Variants in GPHN observed in about 807,000 individuals in gnomAD.
The protein encoded by GPHN is gephyrin.
Under a neutral mutation model 95.5 loss-of-function variants are expected in GPHN, and 17 were observed. The observed-to-expected ratio is 0.18, with a 90% CI of 0.12 to 0.27. The LOEUF (loss-of-function observed/expected upper bound fraction) is 0.27, where lower values mean the gene tolerates loss of function less well. Among genes scored for constraint, GPHN ranks in the 10% least tolerant of loss-of-function variants. The pLI is 1.00. For missense variants in GPHN, 660 were observed against 978.1 expected (o/e 0.67, Z 4.34); for synonymous variants, 320 against 322.5 (o/e 0.99, Z 0.08).
At chr14:66,873,793 G>A (rs901085231) in intron 4 of GPHN, among the ~76,000 whole-genome samples, 1 of 152,100 alleles carries the variant, frequency 6.6e-6, no homozygotes, top group Admixed American at 6.6e-5. Context: ...CATCTCCCTG[G>A]GACAGAGCAC....
chr14:67,285,563 G>A, the GPHN span, among the ~76,000 whole-genome samples: 2 of 150,056 alleles, frequency 1.3e-5, no homozygotes, highest in Non-Finnish European at 2.9e-5. Context: ...TAGAGATGGG[G>A]TTTCACCGTG....
chr14:67,689,348 C>T, the GPHN span, among the ~76,000 whole-genome samples: 1 of 152,194 alleles, frequency 6.6e-6, no homozygotes, highest in Non-Finnish European at 1.5e-5. Flanking sequence ...CCTCGATTTC[C>T]CTTCTCTTTA....
At chr14:67,091,512 C>T (rs985502009) in intron 12 of GPHN, among the ~76,000 whole-genome samples, 11 of 151,834 alleles carry the variant, frequency 7.2e-5, no homozygotes, top group South Asian at 2.1e-4. Context: ...AGAATTCTTA[C>T]TTCCAGAGTA....
At chr14:67,069,212 T>G (rs1484530075) in intron 11 of GPHN, among the ~76,000 whole-genome samples, 1 of 152,208 alleles carries the variant, frequency 6.6e-6, no homozygotes, top group Non-Finnish European at 1.5e-5. Flanking sequence ...GATAATATTG[T>G]GTAAATAATT....
chr14:67,193,585 A>ATATAGATATATATC, the GPHN span, among the ~76,000 whole-genome samples: 1 of 145,140 alleles, frequency 6.9e-6, no homozygotes, highest in Non-Finnish European at 1.5e-5. Flanking sequence ...CTATATATAG[A>ATATAGATATATATC]TATAGATATA....
At chr14:66,972,872 C>G (rs2069913691) in intron 9 of GPHN, among the ~76,000 whole-genome samples, 1 of 152,240 alleles carries the variant, frequency 6.6e-6, no homozygotes, top group East Asian at 1.9e-4. Context: ...GTTCATACTA[C>G]TTGGATCTAC....
rs118107158 is a variant in GPHN, at chr14:66,688,691, C to A, written c.143+7506C>A. Among the ~76,000 whole-genome samples, 716 of 152,218 alleles carry A rather than the reference C, an allele frequency of 4.7e-3. 6 individuals carry two copies. The highest frequency in any genetic ancestry group is 7.8e-3 in the Non-Finnish European group (529 of 67,998). ...TTTCCAATTTGGATGCCCTTTAATT[C>A]TTTCTCTTGCCTAATTGTTATGACT... On this transcript the variant is annotated intron_variant, in intron 2 of 22. Coordinates refer to ENST00000478722, the MANE Select transcript of GPHN (RefSeq NM_020806.5).
At chr14:67,236,397 A>G in the GPHN span, among the ~76,000 whole-genome samples, 1 of 152,238 alleles carries the variant, frequency 6.6e-6, no homozygotes, top group South Asian at 2.1e-4. Flanking sequence ...TGAGTCTAGC[A>G]CACTTATGTT....
chr14:67,016,266 T>C (rs988327992), intron 9 of GPHN, among the ~76,000 whole-genome samples: 1 of 151,974 alleles, frequency 6.6e-6, no homozygotes, highest in Non-Finnish European at 1.5e-5. Flanking sequence ...TAAAATAAAA[T>C]ATATAACATT....
the GPHN span, chr14:67,725,313 A>G: frequency 1.9e-6 from 3 of 1,548,738 alleles, no homozygotes; most frequent in Non-Finnish European, 2.7e-6. Flanking sequence ...TGGCTGCTCC[A>G]CCCTAGACCA....
intron 2 of GPHN, among the ~76,000 whole-genome samples, chr14:66,756,784 G>T (rs2058572574): frequency 2.0e-5 from 3 of 152,114 alleles, no homozygotes; most frequent in Admixed American, 1.3e-4. Context: ...TTTTACATGT[G>T]CTGAGAATAG....
At chr14:66,861,208 G>A (rs745734141) in intron 4 of GPHN, among the ~76,000 whole-genome samples, 21 of 151,880 alleles carry the variant, frequency 1.4e-4, no homozygotes, top group Non-Finnish European at 2.7e-4. Flanking sequence ...CCATGCCAGT[G>A]GAAACCAAAA....
At chr14:66,875,912 A>G (rs1310357130) in intron 4 of GPHN, among the ~76,000 whole-genome samples, 1 of 152,190 alleles carries the variant, frequency 6.6e-6, no homozygotes, top group Non-Finnish European at 1.5e-5. Context: ...CCTAATAGAC[A>G]TCTACAGAAC....
intron 12 of GPHN, among the ~76,000 whole-genome samples, chr14:67,094,246 A>G (rs2077258110): frequency 6.6e-6 from 1 of 152,132 alleles, no homozygotes; most frequent in Non-Finnish European, 1.5e-5. Context: ...CATATCAAAT[A>G]ATATAACCAG....
chr14:67,681,017 TC>T, the GPHN span, among the ~76,000 whole-genome samples: 1 of 152,182 alleles, frequency 6.6e-6, no homozygotes, highest in South Asian at 2.1e-4. Context: ...CCAATTGTGT[TC>T]CCCCAAAATT....
At chr14:67,263,883 G>T in the GPHN span, among the ~76,000 whole-genome samples, 2 of 151,936 alleles carry the variant, frequency 1.3e-5, no homozygotes, top group African/African-American at 2.4e-5. Flanking sequence ...TAAAATAGGG[G>T]TAGTAATTCT....
chr14:67,349,776 C>T, the GPHN span, among the ~76,000 whole-genome samples: 168 of 152,296 alleles, frequency 1.1e-3, no homozygotes, highest in Non-Finnish European at 1.4e-3. Context: ...ACCACTTATA[C>T]ACTATTGATT....
At chr14:67,077,914 A>G (rs532682430) in intron 11 of GPHN, among the ~76,000 whole-genome samples, 1 of 152,292 alleles carries the variant, frequency 6.6e-6, no homozygotes, top group South Asian at 2.1e-4. Flanking sequence ...ACTTAATTGT[A>G]TATGTGGCCC....
chr14:66,789,601 A>G (rs113571798), intron 3 of GPHN, among the ~76,000 whole-genome samples: 1,870 of 152,358 alleles, frequency 0.012, 18 homozygotes, highest in Non-Finnish European at 0.018. Context: ...AGGCAAAAAC[A>G]GGTCCCCAGA....
Sources: allele counts gnomAD v4.1 joint callset (sites outside exome capture counted in the v4.1 genomes callset), GRCh38; gene constraint gnomAD v4.1.1; transcripts MANE v1.5; gene names NCBI Gene and HGNC (gene_info 2026-07-23, HGNC 2026-07-21).